Variants in SLC35D1 observed in about 807,000 individuals in gnomAD.
The protein encoded by SLC35D1 is nucleotide sugar transporter SLC35D1.
A neutral mutation model predicts 46.7 loss-of-function variants in SLC35D1; 31 were observed. That is an observed-to-expected ratio of 0.66 (90% CI 0.50 to 0.90). The LOEUF is 0.90. Among genes scored for constraint, SLC35D1 ranks in the 40% least tolerant of loss-of-function variants. The pLI is 0.00. For synonymous variants in SLC35D1, 195 were observed against 164.6 expected (o/e 1.18, Z -1.41); for missense variants, 397 against 426.2 (o/e 0.93, Z 0.60).
chr1:67,022,944 T>C (rs570134119), intron 8 of SLC35D1, among the ~76,000 whole-genome samples: 12 of 152,336 alleles, frequency 7.9e-5, no homozygotes, highest in Middle Eastern at 3.4e-3. Flanking sequence ...TGTACTCTAG[T>C]GTCTTCCTTC....
At chr1:67,045,205 T>C (rs1009784473) in intron 7 of SLC35D1, among the ~76,000 whole-genome samples, 4 of 152,236 alleles carry the variant, frequency 2.6e-5, no homozygotes, top group African/African-American at 9.6e-5. Context: ...TGTTTTTCTT[T>C]ATACATTTTA....
At chr1:67,006,791 A>G (rs1281261959) in intron 11 of SLC35D1, among the ~76,000 whole-genome samples, 1 of 152,178 alleles carries the variant, frequency 6.6e-6, no homozygotes, top group Non-Finnish European at 1.5e-5. Flanking sequence ...AAGGGTTTCC[A>G]ATTTCAAATT....
At chr1:67,008,768 G>A (rs1199960407) in intron 11 of SLC35D1, among the ~76,000 whole-genome samples, 1 of 151,968 alleles carries the variant, frequency 6.6e-6, no homozygotes, top group Admixed American at 6.6e-5. Context: ...ACCACGCCCA[G>A]GTAATTTTGT....
chr1:66,986,366 T>C, the SLC35D1 span: 1 of 1,598,698 alleles, frequency 6.3e-7, no homozygotes, highest in Non-Finnish European at 8.5e-7. Context: ...ATCCAAACTT[T>C]TATAAAATAT....
At position 67,053,810 on chromosome 1, in the gene SLC35D1, C is replaced by T. The variant is rs772654702; in HGVS notation, c.203+1G>A. The T allele has an allele frequency of 6.2e-7, 1 of 1,605,526 alleles. No homozygotes were observed. The highest frequency in any genetic ancestry group is 8.5e-7 in the Non-Finnish European group (1 of 1,176,316). On this transcript the variant is annotated splice_donor_variant, in intron 1 of 11. Coordinates refer to ENST00000235345, the MANE Select transcript of SLC35D1 (RefSeq NM_015139.3). LOFTEE classifies it high-confidence loss of function. The stretch of plus-strand genomic sequence containing the variant: ...CTGGGCCGCCGCCGCCTCGGCCCTA[C>T]CTGTAATTGGTGAGCACGCTCTTAT...
intron 8 of SLC35D1, among the ~76,000 whole-genome samples, chr1:67,037,320 T>G (rs1668144773): frequency 1.5e-5 from 2 of 133,372 alleles, no homozygotes; most frequent in Non-Finnish European, 2.9e-5. Context: ...AAAATGTGGG[T>G]TTTTTTGTTG....
chr1:67,015,730 A>C (rs1416676389), intron 10 of SLC35D1, among the ~76,000 whole-genome samples: 1 of 152,196 alleles, frequency 6.6e-6, no homozygotes, highest in Non-Finnish European at 1.5e-5. Context: ...CTATTGATAA[A>C]AAATAATTTT....
intron 4 of SLC35D1, among the ~76,000 whole-genome samples, chr1:67,051,644 C>G (rs1264302078): frequency 6.6e-6 from 1 of 152,070 alleles, no homozygotes; most frequent in Non-Finnish European, 1.5e-5. Context: ...TGGAAGTTGC[C>G]TAAAATATTT....
At chr1:66,983,942 T>C in the SLC35D1 span, among the ~76,000 whole-genome samples, 1 of 152,198 alleles carries the variant, frequency 6.6e-6, no homozygotes, top group African/African-American at 2.4e-5. Flanking sequence ...GCCAGGCTGG[T>C]CTTGAACTCC....
intron 8 of SLC35D1, among the ~76,000 whole-genome samples, chr1:67,032,960 AATGTT>A (rs1292615188): frequency 6.6e-6 from 1 of 152,044 alleles, no homozygotes; most frequent in African/African-American, 2.4e-5. Flanking sequence ...CAATTGTTTT[AATGTT>A]TAGTTCCCAT....
intron 6 of SLC35D1, among the ~76,000 whole-genome samples, chr1:67,048,512 G>A (rs540188672): frequency 9.9e-5 from 15 of 152,278 alleles, no homozygotes; most frequent in Admixed American, 2.6e-4. Context: ...AACCAATTAC[G>A]CCACTCTCTT....
the SLC35D1 span, among the ~76,000 whole-genome samples, chr1:66,981,088 T>TAGAC: frequency 3.8e-5 from 2 of 53,328 alleles, no homozygotes; most frequent in African/African-American, 8.5e-4. Flanking sequence ...CCATGTGTGT[T>TAGAC]AGACATATGA....
intron 8 of SLC35D1, among the ~76,000 whole-genome samples, chr1:67,028,690 C>T (rs1242613324): frequency 6.6e-6 from 1 of 152,010 alleles, no homozygotes; most frequent in Admixed American, 6.6e-5. Context: ...AAAATTTCTA[C>T]TCCCACCCTT....
intron 8 of SLC35D1, among the ~76,000 whole-genome samples, chr1:67,024,627 G>A (rs1331414295): frequency 1.3e-5 from 2 of 152,044 alleles, no homozygotes; most frequent in African/African-American, 2.4e-5. Flanking sequence ...AGCTTCTAGT[G>A]GTTTGTTGGC....
At chr1:67,013,480 G>A (rs1233098136) in intron 10 of SLC35D1, among the ~76,000 whole-genome samples, 4 of 152,008 alleles carry the variant, frequency 2.6e-5, no homozygotes, top group African/African-American at 7.2e-5. Context: ...AATTGAGCCC[G>A]GGAGGTCAAG....
chr1:67,022,674 AGTTT>A (rs1334674559), intron 8 of SLC35D1, among the ~76,000 whole-genome samples: 2 of 152,214 alleles, frequency 1.3e-5, no homozygotes, highest in Non-Finnish European at 2.9e-5. Context: ...CTTGACAGAC[AGTTT>A]GTTTATAGTT....
At position 67,042,297 on chromosome 1, in the gene SLC35D1, T is replaced by C. The variant is rs917385708; in HGVS notation, c.668A>G (p.Asn223Ser). Residue 223 changes from asparagine (N) to serine (S), a missense_variant, in exon 8 of 12, where the codon AAT becomes AGT. Asn to Ser is a conservative substitution (Grantham distance 46, BLOSUM62 1). Coordinates refer to ENST00000235345, the MANE Select transcript of SLC35D1 (RefSeq NM_015139.3). ...ELGKYGLLYY[N>S]ALFMILPTLA... ...GGTGGGCAGAATCATGAACAGTGCA[T>C]TGTAATAGAGCAGTCCATATTTTCC... 1.2e-6 allele frequency: 2 copies of C among 1,614,138 alleles called. No individual in the cohort carries two copies. The highest frequency in any genetic ancestry group is 8.5e-7 in the Non-Finnish European group (1 of 1,180,004).
chr1:67,049,732 C>G, intron 6 of SLC35D1, 50 bp downstream of exon 6: 1 of 1,479,812 alleles, frequency 6.8e-7, no homozygotes, highest in South Asian at 1.2e-5. Flanking sequence ...CATTTATTAT[C>G]AATAATTATT....
chr1:66,984,622 G>A, the SLC35D1 span: 2 of 1,611,766 alleles, frequency 1.2e-6, no homozygotes, highest in Non-Finnish European at 1.7e-6. Flanking sequence ...GGAAGTAAAA[G>A]TTGAAGGGTT....
Sources: gnomAD v4.1 joint callset for allele counts (sites outside exome capture counted in the v4.1 genomes callset) on GRCh38, gnomAD v4.1.1 for gene constraint, MANE v1.5 for transcripts, NCBI Gene and HGNC (gene_info 2026-07-23, HGNC 2026-07-21) for gene names.